PGAP3: variants seen among roughly 807,000 people sequenced by gnomAD.
The protein encoded by PGAP3 is post-GPI attachment to proteins phospholipase 3.
PGAP3 carries 31 observed loss-of-function variants against 40.3 expected under a neutral mutation model. The observed-to-expected ratio is 0.77, with a 90% CI of 0.58 to 1.04. The LOEUF is 1.04. Among genes scored for constraint, PGAP3 ranks in the 50% least tolerant of loss-of-function variants. The pLI, the probability that PGAP3 is intolerant of heterozygous loss-of-function variation, is 0.00. For missense variants in PGAP3, 413 were observed against 423.0 expected (o/e 0.98, Z 0.21); for synonymous variants, 191 against 184.5 (o/e 1.04, Z -0.29).
intron 3 of PGAP3, among the ~76,000 whole-genome samples, chr17:39,676,263 G>C (rs1421765784): frequency 6.6e-6 from 1 of 152,208 alleles, no homozygotes; most frequent in South Asian, 2.1e-4. Context: ...CAGGAACAGG[G>C]ACATCCTTAG....
intron 1 of PGAP3, among the ~76,000 whole-genome samples, chr17:39,686,662 C>G (rs1307252657): frequency 6.8e-6 from 1 of 147,632 alleles, no homozygotes; most frequent in Non-Finnish European, 1.5e-5. Context: ...TGGGCTCAAA[C>G]GATCCTCCCA....
intron 3 of PGAP3, among the ~76,000 whole-genome samples, chr17:39,680,095 G>A (rs1223463165): frequency 6.6e-6 from 1 of 152,070 alleles, no homozygotes; most frequent in African/African-American, 2.4e-5. Flanking sequence ...CCTGGGGCAG[G>A]GGATTCAGCC....
At chr17:39,675,613 G>A (rs986965912) in intron 3 of PGAP3, among the ~76,000 whole-genome samples, 1 of 152,192 alleles carries the variant, frequency 6.6e-6, no homozygotes, top group African/African-American at 2.4e-5. Flanking sequence ...GAACTGCTCA[G>A]TTGGCTCCAA....
intron 3 of PGAP3, among the ~76,000 whole-genome samples, chr17:39,675,408 G>A (rs866037679): frequency 5.9e-5 from 9 of 152,246 alleles, no homozygotes; most frequent in Non-Finnish European, 7.3e-5. Context: ...GCTTGTGGGC[G>A]TTGGTGCTGG....
chr17:39,687,417 A>C (rs757022175), intron 1 of PGAP3, among the ~76,000 whole-genome samples: 1 of 152,194 alleles, frequency 6.6e-6, no homozygotes, highest in Admixed American at 6.5e-5. Context: ...TTCCAAGATG[A>C]TCCCTGCCCC....
At position 39,673,158 on chromosome 17, in the gene PGAP3, C is replaced by G. The variant is rs1477897371; in HGVS notation, c.792G>C (p.Gln264His). ...CAAGCAGCTCGAGCAGGGACAGCCCCTGCAGCAGCAAGACCACCACCACGC... is the reference window on the plus strand; with the variant it reads ...CAAGCAGCTCGAGCAGGGACAGCCCGTGCAGCAGCAAGACCACCACCACGC... ...RKCVVVVLLL[Q>H]GLSLLELLDF... is the part of the protein sequence containing the mutation. The change falls in exon 7 of 8, where the codon CAG becomes CAC. Residue 264 changes from glutamine (Q) to histidine (H), a missense_variant. Transcript: ENST00000300658. The G allele has an allele frequency of 6.3e-7, 1 of 1,595,564 alleles. No individual in the cohort carries two copies. Among genetic ancestry groups the G allele is most frequent in the Non-Finnish European group, 8.5e-7 (1 of 1,171,816 alleles).
chr17:39,672,851 G>A lies in PGAP3; in HGVS notation c.915C>T (p.Asp305=), dbSNP rs745383819. 1 of 1,614,152 alleles carries A rather than the reference G, an allele frequency of 6.2e-7. No individual in the cohort carries two copies. The highest frequency in any genetic ancestry group is 1.3e-5 in the African/African-American group (1 of 75,046). Residue 305 remains aspartate (D), a synonymous_variant, in exon 8 of 8, where the codon GAC becomes GAT. Transcript: ENST00000300658. ...HVLFFSFLED[D]SLYLLKESED... Reference sequence around the variant, plus strand: ...CTGATTCCTTCAGCAGGTACAGGCTGTCATCTTCCAGAAAGCTGTGGGCCA... The same window carrying A: ...CTGATTCCTTCAGCAGGTACAGGCTATCATCTTCCAGAAAGCTGTGGGCCA...
chr17:39,672,605 G>C lies in PGAP3; in HGVS notation c.*198C>G. The C allele has an allele frequency of 1.6e-6, 1 of 617,310 alleles. No homozygotes were observed. Among genetic ancestry groups the C allele is most frequent in the Non-Finnish European group, 2.9e-6 (1 of 348,826 alleles). The allele number at this position is 617,310 out of a possible 1,614,324, so 38.2% of individuals were successfully genotyped here. On this transcript the variant is annotated 3_prime_UTR_variant, in exon 8 of 8. Coordinates refer to ENST00000300658, the MANE Select transcript of PGAP3 (RefSeq NM_033419.5). ...GCCCACTCTCGAGTCCCAGATGCTG[G>C]GAGGCCTTCCCTAGAACAGACTCCA...
At chr17:39,683,599 T>G (rs1005859964) in intron 3 of PGAP3, among the ~76,000 whole-genome samples, 17 of 152,146 alleles carry the variant, frequency 1.1e-4, no homozygotes, top group African/African-American at 4.1e-4. Flanking sequence ...AATGGAAATT[T>G]TTTCCTTAAG....
intron 3 of PGAP3, among the ~76,000 whole-genome samples, chr17:39,680,332 G>A (rs553748274): frequency 3.3e-5 from 5 of 152,264 alleles, no homozygotes; most frequent in African/African-American, 1.2e-4. Context: ...CTATGAGGAT[G>A]AAATAAGGAA....
At position 39,672,882 on chromosome 17, in the gene PGAP3, G is replaced by T; in HGVS notation, c.900-16C>A. The T allele has an allele frequency of 6.2e-7, 1 of 1,613,304 alleles. No individual in the cohort carries two copies. The highest frequency in any genetic ancestry group is 8.5e-7 in the Non-Finnish European group (1 of 1,179,386). The stretch of plus-strand genomic sequence containing the variant: ...TTCCAGAAAGCTGTGGGCCAAAGGA[G>T]TAGCCCATTGAGGCACACAGCTCTG... On this transcript the variant is annotated splice_polypyrimidine_tract_variant and intron_variant, in intron 7 of 7. Transcript: ENST00000300658.
At chr17:39,679,649 C>T (rs553614298) in intron 3 of PGAP3, among the ~76,000 whole-genome samples, 23 of 152,316 alleles carry the variant, frequency 1.5e-4, no homozygotes, top group Admixed American at 5.9e-4. Context: ...AAATTTGCTT[C>T]GCTCCAAGAG....
At chr17:39,684,941 C>T (rs2057490411) in intron 2 of PGAP3, 192 bp from the exon 3 acceptor site, 2 of 638,694 alleles carry the variant, frequency 3.1e-6, no homozygotes, top group Non-Finnish European at 2.6e-6. Context: ...GAGTTATACC[C>T]CCATCCTGGC....
intron 3 of PGAP3, among the ~76,000 whole-genome samples, chr17:39,678,110 C>T (rs2057397512): frequency 6.6e-6 from 1 of 152,182 alleles, no homozygotes; most frequent in Non-Finnish European, 1.5e-5. Context: ...TCCAAGATCC[C>T]AGAGGATCCC....
chr17:39,684,448 C>G, intron 3 of PGAP3, 149 bp downstream of exon 3: 1 of 1,005,730 alleles, frequency 9.9e-7, no homozygotes, highest in Non-Finnish European at 1.4e-6. Context: ...TGTTTTCTCC[C>G]CAGGCTTTAC....
intron 1 of PGAP3, among the ~76,000 whole-genome samples, chr17:39,687,147 G>A (rs2057553759): frequency 6.6e-6 from 1 of 152,116 alleles, no homozygotes; most frequent in Admixed American, 6.6e-5. Context: ...TAGTAAAGAG[G>A]ACAAGCTTGT....
intron 3 of PGAP3, among the ~76,000 whole-genome samples, chr17:39,681,050 G>C (rs1387669969): frequency 6.6e-6 from 1 of 152,092 alleles, no homozygotes; most frequent in Non-Finnish European, 1.5e-5. Flanking sequence ...ATTTTTGGTA[G>C]AGACGGGGTT....
intron 3 of PGAP3, among the ~76,000 whole-genome samples, chr17:39,677,911 G>T (rs2057394441): frequency 6.6e-6 from 1 of 152,156 alleles, no homozygotes; most frequent in South Asian, 2.1e-4. Context: ...GGGACAAGTG[G>T]GGCTTAAAAT....
At chr17:39,678,052 G>A (rs1195727742) in intron 3 of PGAP3, among the ~76,000 whole-genome samples, 2 of 152,194 alleles carry the variant, frequency 1.3e-5, no homozygotes, top group Non-Finnish European at 2.9e-5. Flanking sequence ...GCTCACTCCT[G>A]AGAGAAGGGA....
Sources: allele counts gnomAD v4.1 joint callset (sites outside exome capture counted in the v4.1 genomes callset), GRCh38; gene constraint gnomAD v4.1.1; transcripts MANE v1.5; gene names NCBI Gene and HGNC (gene_info 2026-07-23, HGNC 2026-07-21).